Variants in SH2D4A observed in about 807,000 individuals in gnomAD.
The protein encoded by SH2D4A is SH2 domain containing 4A.
A neutral mutation model predicts 64.7 loss-of-function variants in SH2D4A; 70 were observed. The observed-to-expected ratio is 1.08, with a 90% CI of 0.89 to 1.32. The LOEUF (loss-of-function observed/expected upper bound fraction) is 1.32, where lower values mean the gene tolerates loss of function less well. Among genes scored for constraint, SH2D4A ranks in the 40% most tolerant of loss-of-function variants. The pLI is 0.00. For missense variants in SH2D4A, 706 were observed against 540.1 expected (o/e 1.31, Z -3.04); for synonymous variants, 268 against 200.7 (o/e 1.34, Z -2.83).
intron 2 of SH2D4A, among the ~76,000 whole-genome samples, chr8:19,332,511 G>A (rs1465959717): frequency 9.2e-5 from 14 of 151,794 alleles, no homozygotes; most frequent in Admixed American, 9.2e-4. Flanking sequence ...GCAGATGCCT[G>A]TAATGGTGAA....
intron 8 of SH2D4A, among the ~76,000 whole-genome samples, chr8:19,388,077 A>G (rs2053421183): frequency 6.6e-6 from 1 of 152,178 alleles, no homozygotes; most frequent in Middle Eastern, 3.2e-3. Flanking sequence ...ATCTTCTTTA[A>G]GTTGCCAAGG....
At chr8:19,349,365 T>C (rs1255035983) in intron 4 of SH2D4A, among the ~76,000 whole-genome samples, 1 of 152,230 alleles carries the variant, frequency 6.6e-6, no homozygotes, top group Non-Finnish European at 1.5e-5. Flanking sequence ...ACTTAAGCTG[T>C]TGTGCTTTTT....
chr8:19,316,177 C>T (rs191445693), intron 1 of SH2D4A, among the ~76,000 whole-genome samples: 10 of 152,322 alleles, frequency 6.6e-5, no homozygotes, highest in East Asian at 1.9e-4. Flanking sequence ...ACATCGTCAA[C>T]GGCCTGACCA....
Position 19,319,714 on chromosome 8 carries a change from C to T in SH2D4A, c.167C>T (p.Pro56Leu). The change falls in exon 2 of 10, where the codon CCC (proline) becomes CTC (leucine). Residue 56 changes from proline to leucine, a missense_variant. Coordinates refer to ENST00000265807, the MANE Select transcript of SH2D4A (RefSeq NM_022071.4). ...MERKESLPVK[P>L]RPKKENGKSV... The stretch of plus-strand genomic sequence containing the variant: ...AGAAAGGAGTCCCTGCCAGTGAAAC[C>T]CAGACCAAAGAAAGGTAAACTTATC... The T allele has an allele frequency of 2.5e-6, 4 of 1,586,154 alleles. No homozygotes were observed. The highest frequency in any genetic ancestry group is 3.4e-6 in the Non-Finnish European group (4 of 1,169,954).
chr8:19,390,496 C>T (rs2053473283), intron 8 of SH2D4A, among the ~76,000 whole-genome samples: 1 of 152,150 alleles, frequency 6.6e-6, no homozygotes, highest in South Asian at 2.1e-4. Context: ...GCCAGGACAC[C>T]CCAAATGCAC....
Position 19,319,743 on chromosome 8 carries a change from G to A in SH2D4A, c.181+15G>A, listed in dbSNP as rs188230045. The A allele has an allele frequency of 4.8e-5, 75 of 1,550,042 alleles. No individual in the cohort carries two copies. The African/African-American group carries it at 6.8e-4, about 14-fold the overall frequency. On this transcript the variant is annotated intron_variant, in intron 2 of 9. Coordinates refer to ENST00000265807, the MANE Select transcript of SH2D4A (RefSeq NM_022071.4). ...ACCAAAGAAAGGTAAACTTATCCAC[G>A]TTTCTTCTGTGGATGTGTTGGTAGA...
rs2053559886 is a variant in SH2D4A at position 19,394,775 on chromosome 8, C to G, written c.*133C>G. ...ACTGATCAACTGAAAGTAAAGTATC[C>G]ATGGAGTCCTCATTGACACCTCTTT... On this transcript the variant is annotated 3_prime_UTR_variant, in exon 10 of 10. Coordinates refer to ENST00000265807, the MANE Select transcript of SH2D4A (RefSeq NM_022071.4). 1 of 449,150 alleles carries G rather than the reference C, an allele frequency of 2.2e-6. No individual in the cohort carries two copies. The highest frequency in any genetic ancestry group is 4.2e-5 in the Admixed American group (1 of 24,062). The allele number at this position is 449,150 out of a possible 1,614,324, so 27.8% of individuals were successfully genotyped here.
chr8:19,388,732 G>A (rs1257112879), intron 8 of SH2D4A, among the ~76,000 whole-genome samples: 1 of 152,188 alleles, frequency 6.6e-6, no homozygotes, highest in Non-Finnish European at 1.5e-5. Context: ...TTAGAATAGA[G>A]GCAGTGGCTG....
At chr8:19,352,520 T>C (rs1390132677) in intron 4 of SH2D4A, among the ~76,000 whole-genome samples, 2 of 152,242 alleles carry the variant, frequency 1.3e-5, no homozygotes, top group Non-Finnish European at 2.9e-5. Context: ...ATGAGGCAGA[T>C]AAGATTGCTT....
intron 7 of SH2D4A, 78 bp downstream of exon 7, chr8:19,364,360 G>A: frequency 2.6e-6 from 4 of 1,512,502 alleles, no homozygotes; most frequent in Non-Finnish European, 1.8e-6. Flanking sequence ...AAGGGGAATT[G>A]TATGAGCTGC....
chr8:19,339,931 G>A (rs1012103281), intron 4 of SH2D4A, among the ~76,000 whole-genome samples: 1 of 152,174 alleles, frequency 6.6e-6, no homozygotes, highest in East Asian at 1.9e-4. Flanking sequence ...GGAGTAAAAC[G>A]GAATCACTGC....
At chr8:19,385,080 C>T (rs1292809368) in intron 8 of SH2D4A, among the ~76,000 whole-genome samples, 1 of 152,164 alleles carries the variant, frequency 6.6e-6, no homozygotes, top group Non-Finnish European at 1.5e-5. Context: ...CTGTCTTTTG[C>T]TGTCATGGCA....
intron 1 of SH2D4A, among the ~76,000 whole-genome samples, chr8:19,316,338 G>A (rs370582917): frequency 1.3e-5 from 2 of 152,320 alleles, no homozygotes; most frequent in South Asian, 4.2e-4. Flanking sequence ...GAAATAATGT[G>A]AGAATTTCAT....
At chr8:19,378,220 G>A (rs2053228833) in intron 8 of SH2D4A, among the ~76,000 whole-genome samples, 1 of 152,080 alleles carries the variant, frequency 6.6e-6, no homozygotes, top group African/African-American at 2.4e-5. Context: ...CTCCTAGTTT[G>A]TGACTTGTCT....
intron 1 of SH2D4A, among the ~76,000 whole-genome samples, chr8:19,319,137 T>G (rs2052140612): frequency 6.6e-6 from 1 of 152,126 alleles, no homozygotes; most frequent in African/African-American, 2.4e-5. Flanking sequence ...TGTTTTCTTT[T>G]TTTTTTTGAC....
chr8:19,332,731 A>G (rs1585152615), intron 2 of SH2D4A, among the ~76,000 whole-genome samples: 1 of 150,080 alleles, frequency 6.7e-6, no homozygotes, highest in African/African-American at 2.5e-5. Context: ...CAAAAAACAT[A>G]CCCCTAATAT....
chr8:19,331,273 G>A (rs763529288), intron 2 of SH2D4A, among the ~76,000 whole-genome samples: 3 of 152,224 alleles, frequency 2.0e-5, no homozygotes, highest in Non-Finnish European at 4.4e-5. Context: ...CTTTGACTTA[G>A]TGTGAGAGGA....
chr8:19,365,384 C>A (rs1049505657), intron 7 of SH2D4A, among the ~76,000 whole-genome samples: 2 of 152,138 alleles, frequency 1.3e-5, no homozygotes, highest in African/African-American at 2.4e-5. Context: ...TCTTCTCTTA[C>A]CGACAACAAA....
At chr8:19,342,366 A>C (rs1243373821) in intron 4 of SH2D4A, among the ~76,000 whole-genome samples, 1 of 152,196 alleles carries the variant, frequency 6.6e-6, no homozygotes, top group East Asian at 1.9e-4. Context: ...TAGAATTTTG[A>C]ATAGGATAAA....
Sources: gnomAD v4.1 joint callset for allele counts (sites outside exome capture counted in the v4.1 genomes callset) on GRCh38, gnomAD v4.1.1 for gene constraint, MANE v1.5 for transcripts, NCBI Gene and HGNC (gene_info 2026-07-23, HGNC 2026-07-21) for gene names.